The following PAPPA variants were observed in gnomAD, a reference collection of about 807,000 sequenced individuals.
PAPPA encodes the protein pappalysin 1, also known as pappalysin-1.
A neutral mutation model predicts 164.0 loss-of-function variants in PAPPA; 60 were observed. The ratio of observed to expected loss-of-function variants is 0.37; its 90% confidence interval spans 0.30 to 0.45. PAPPA has a LOEUF of 0.45. PAPPA is among the 20% of genes least tolerant of loss of function. The pLI, the probability that PAPPA is intolerant of heterozygous loss-of-function variation, is 1.00. For missense variants in PAPPA, 1,782 were observed against 2,087.3 expected (o/e 0.85, Z 2.85); for synonymous variants, 875 against 814.1 (o/e 1.07, Z -1.27).
intron 21 of PAPPA, among the ~76,000 whole-genome samples, chr9:116,392,954 G>T (rs1846914309): frequency 1.3e-5 from 2 of 152,178 alleles, no homozygotes; most frequent in South Asian, 4.1e-4. Context: ...GGCCTCCTGA[G>T]ACCAACCCTC....
intron 2 of PAPPA, among the ~76,000 whole-genome samples, chr9:116,198,783 A>C (rs1212656479): frequency 6.6e-6 from 1 of 152,208 alleles, no homozygotes; most frequent in Non-Finnish European, 1.5e-5. Flanking sequence ...TGAGAAAAAT[A>C]GCAGCTGTGT....
At chr9:116,159,956 A>C (rs1371968792) in intron 1 of PAPPA, among the ~76,000 whole-genome samples, 1 of 152,194 alleles carries the variant, frequency 6.6e-6, no homozygotes, top group Non-Finnish European at 1.5e-5. Flanking sequence ...CATTTGGTCC[A>C]GCACTTCCCA....
At chr9:116,335,304 G>A (rs1481835356) in intron 13 of PAPPA, among the ~76,000 whole-genome samples, 1 of 152,130 alleles carries the variant, frequency 6.6e-6, no homozygotes, top group Non-Finnish European at 1.5e-5. Context: ...CATTCACCTG[G>A]CTTGCAGCGG....
At chr9:116,275,502 G>C (rs1845185904) in intron 9 of PAPPA, among the ~76,000 whole-genome samples, 1 of 152,142 alleles carries the variant, frequency 6.6e-6, no homozygotes, top group African/African-American at 2.4e-5. Flanking sequence ...GCACACAGAG[G>C]TATGATCCTC....
At chr9:116,324,502 A>G (rs553338324) in intron 10 of PAPPA, among the ~76,000 whole-genome samples, 14 of 152,252 alleles carry the variant, frequency 9.2e-5, no homozygotes, top group Admixed American at 2.6e-4. Flanking sequence ...ATTTGAGGAT[A>G]AATAAAACAT....
At chr9:116,315,145 C>G (rs1845772059) in intron 10 of PAPPA, among the ~76,000 whole-genome samples, 1 of 152,146 alleles carries the variant, frequency 6.6e-6, no homozygotes, top group Admixed American at 6.5e-5. Flanking sequence ...CCTTATGTTT[C>G]CGGATTACAG....
At chr9:116,204,813 T>C (rs1564183139) in intron 2 of PAPPA, among the ~76,000 whole-genome samples, 1 of 152,158 alleles carries the variant, frequency 6.6e-6, no homozygotes, top group East Asian at 1.9e-4. Flanking sequence ...ATTTTCCTTC[T>C]CTCACCTTCA....
intron 10 of PAPPA, among the ~76,000 whole-genome samples, chr9:116,326,374 T>C (rs1845920722): frequency 6.6e-6 from 1 of 152,116 alleles, no homozygotes; most frequent in African/African-American, 2.4e-5. Flanking sequence ...GGACCAACTA[T>C]TTTCTTGGAA....
chr9:116,384,173 T>A lies in PAPPA; in HGVS notation c.4776+1680T>A, dbSNP rs78275412. Among the ~76,000 whole-genome samples the A allele has an allele frequency of 3.7e-4, 56 of 151,936 alleles. No homozygotes were observed. The East Asian group carries it at 8.9e-3, about 24-fold the overall frequency. ...GAGCACAGTGGCTCACGGTTGTAAC[T>A]CCAGCACTTTGGGAGGCCAAGATGG... On this transcript the variant is annotated intron_variant, in intron 21 of 21. Coordinates refer to ENST00000328252, the MANE Select transcript of PAPPA (RefSeq NM_002581.5).
intron 1 of PAPPA, among the ~76,000 whole-genome samples, chr9:116,156,342 A>G (rs866863314): frequency 2.3e-5 from 3 of 127,836 alleles, no homozygotes; most frequent in African/African-American, 3.0e-5. Flanking sequence ...GTGTATATAT[A>G]TATATGTATA....
At chr9:116,223,718 C>T (rs1365986001) in intron 5 of PAPPA, among the ~76,000 whole-genome samples, 1 of 152,192 alleles carries the variant, frequency 6.6e-6, no homozygotes, top group Non-Finnish European at 1.5e-5. Flanking sequence ...ACGTATATCA[C>T]TCTCCCATAC....
Position 116,352,872 on chromosome 9 carries a change from C to T in PAPPA, c.4131C>T (p.Cys1377=). 1.2e-6 allele frequency: 2 copies of T among 1,614,106 alleles called. No individual in the cohort carries two copies. Among genetic ancestry groups the T allele is most frequent in the Non-Finnish European group, 1.7e-6 (2 of 1,180,012 alleles). The change falls in exon 16 of 22, where the codon TGC becomes TGT. Residue 1377 remains cysteine (C), a synonymous_variant. Transcript: ENST00000328252. Reference sequence around the variant, plus strand: ...TGGGCTCCTTCTGCAAATACAAATGCAAGCCTGGATACCATGTGCCTGGAT... The same window carrying T: ...TGGGCTCCTTCTGCAAATACAAATGTAAGCCTGGATACCATGTGCCTGGAT... ...HKVGSFCKYK[C]KPGYHVPGSS... is the part of the protein sequence containing the mutation.
intron 9 of PAPPA, chr9:116,286,415 C>T (rs1299770391): frequency 6.6e-6 from 1 of 152,124 alleles, no homozygotes; most frequent in East Asian, 1.9e-4. Flanking sequence ...AGGTCTGCCA[C>T]CCCCCAGGCA....
chr9:116,262,618 C>T (rs1845016146), intron 7 of PAPPA, among the ~76,000 whole-genome samples: 2 of 152,138 alleles, frequency 1.3e-5, no homozygotes, highest in African/African-American at 2.4e-5. Flanking sequence ...GCTGCTTTGG[C>T]CGTCAAGATT....
intron 15 of PAPPA, among the ~76,000 whole-genome samples, chr9:116,349,506 T>C (rs990493293): frequency 2.0e-5 from 3 of 152,184 alleles, no homozygotes; most frequent in African/African-American, 7.2e-5. Flanking sequence ...GAATACCAGA[T>C]TGAAGGTCTA....
rs374755308 is a variant in PAPPA at position 116,187,567 on chromosome 9, G to T, written c.829G>T (p.Ala277Ser). Residue 277 changes from alanine to serine, a missense_variant, in exon 2 of 22, where the codon GCC (alanine) becomes TCC (serine). Around this residue, in one of 2 missense-constraint regions of PAPPA, gnomAD observed 458 missense variants for 430.3 expected, o/e 1.06. Coordinates refer to ENST00000328252, the MANE Select transcript of PAPPA (RefSeq NM_002581.5). This position sits in a 1 kb window ranked among gnomAD's most constrained non-coding sequence, Gnocchi z 4.2. ...EILSDMETHGAHTALPQLLLQ... is the reference protein window; with the variant it reads ...EILSDMETHGSHTALPQLLLQ... The stretch of plus-strand genomic sequence containing the variant: ...ACTGTCTGACATGGAAACCCATGGC[G>T]CCCACACTGCTCTACCTCAGCTCCT... The T allele has an allele frequency of 6.2e-7, 1 of 1,614,148 alleles. No homozygotes were observed. Among genetic ancestry groups the T allele is most frequent in the Non-Finnish European group, 8.5e-7 (1 of 1,180,030 alleles).
intron 19 of PAPPA, chr9:116,373,800 G>A (rs1292940087): frequency 6.6e-6 from 1 of 152,176 alleles, no homozygotes; most frequent in African/African-American, 2.4e-5. Flanking sequence ...CCAGATAAAT[G>A]TGGGTTTAAT....
intron 13 of PAPPA, among the ~76,000 whole-genome samples, chr9:116,338,075 T>A (rs1403990958): frequency 6.6e-6 from 1 of 152,162 alleles, no homozygotes; most frequent in African/African-American, 2.4e-5. Flanking sequence ...CCAGTATCTG[T>A]CACACACACA....
At chr9:116,351,100 T>C (rs1846276425) in intron 15 of PAPPA, among the ~76,000 whole-genome samples, 1 of 152,230 alleles carries the variant, frequency 6.6e-6, no homozygotes, top group South Asian at 2.1e-4. Context: ...CTTGGCACCT[T>C]CTGGCACACT....
Sources: allele counts gnomAD v4.1 joint callset (sites outside exome capture counted in the v4.1 genomes callset), GRCh38; gene constraint gnomAD v4.1.1; regional missense constraint gnomAD v4.1.1; non-coding constraint Gnocchi (gnomAD v3.1); transcripts MANE v1.5; gene names NCBI Gene and HGNC (gene_info 2026-07-23, HGNC 2026-07-21).